Variants in DEXI observed in about 807,000 individuals in gnomAD.
DEXI encodes the protein dexamethasone-induced protein.
Under a neutral mutation model 2.5 loss-of-function variants are expected in DEXI, and 2 were observed. The ratio of observed to expected loss-of-function variants is 0.81; its 90% CI spans 0.33 to 2.55. The LOEUF (loss-of-function observed/expected upper bound fraction) is 2.55. Ranked by LOEUF, DEXI falls within the 30% of genes most tolerant of loss-of-function variation. The probability of loss-of-function intolerance (pLI) is 0.11; values close to 1 mark genes in which losing one functional copy is unlikely to be tolerated. For synonymous variants in DEXI, 71 were observed against 68.7 expected (o/e 1.03, Z -0.17); for missense variants, 108 against 130.3 (o/e 0.83, Z 0.83).
In DEXI at chr16:10,940,887, C is replaced by T. The variant is rs953710895; in HGVS notation, c.*149+682G>A. 7 of 152,322 alleles carry T rather than the reference C, an allele frequency of 4.6e-5. No homozygotes were observed. The highest frequency in any genetic ancestry group is 1.4e-4 in the African/African-American group (6 of 41,432). The allele number at this position is 152,322 out of a possible 1,614,324, so 9.4% of individuals were successfully genotyped here. A position where few individuals can be genotyped will look rare whatever the true frequency, so the allele number is the denominator to read the frequency against. On this transcript the variant is annotated intron_variant, in intron 1 of 1. Coordinates refer to ENST00000331808, the MANE Select transcript of DEXI (RefSeq NM_014015.4). This position sits in a 1 kb window ranked among gnomAD's most constrained non-coding sequence, Gnocchi z 4.2. ...GCAAACACTGCAGACAAAGCGAGCC[C>T]TGGCACCAGCTCCCTGCCTGCCTGT... is the stretch of plus-strand genomic sequence containing the variant.
chr16:10,938,900 A>G lies in DEXI; in HGVS notation c.*149+2669T>C, dbSNP rs957918114. 1 of 152,240 alleles carries G rather than the reference A, an allele frequency of 6.6e-6. No individual in the cohort carries two copies. The highest frequency in any genetic ancestry group is 2.4e-5 in the African/African-American group (1 of 41,466). 9.4% of individuals were successfully genotyped at this position (152,240 alleles called of 1,614,324 possible). On this transcript the variant is annotated intron_variant, in intron 1 of 1. Transcript: ENST00000331808. The surrounding 1 kb of genome is among the most constrained non-coding windows in gnomAD (Gnocchi z 4.9). ...TCAGTTTTTAGTTCAGAATATGCCA[A>G]TGTTTTCATTTGGAAGGGGAAGTGT...
Position 10,941,770 on chromosome 16 carries a change from C to T in DEXI, c.236G>A (p.Gly79Asp). The change falls in exon 1 of 2, where the codon GGC becomes GAC. Residue 79 changes from glycine to aspartate, a missense_variant. By Grantham distance (94) the Gly-to-Asp change is moderately conservative. Coordinates refer to ENST00000331808, the MANE Select transcript of DEXI (RefSeq NM_014015.4). This position sits in a 1 kb window ranked among gnomAD's most constrained non-coding sequence, Gnocchi z 6.4. ...DLGVLSDPGS[G>D]LYDADSELDV... ...GAGCTCCGAGTCAGCATCGTAAAGG[C>T]CCGAGCCGGGGTCGGAGAGCACGCC... 1 of 1,613,418 alleles carries T rather than the reference C, an allele frequency of 6.2e-7. No individual in the cohort carries two copies. Among genetic ancestry groups the T allele is most frequent in the Non-Finnish European group, 8.5e-7 (1 of 1,179,672 alleles).
intron 1 of DEXI, chr16:10,936,247 A>G (rs1049550161): frequency 6.6e-6 from 1 of 152,110 alleles, no homozygotes; most frequent in Non-Finnish European, 1.5e-5. Flanking sequence ...CTCAGCCTCT[A>G]TAAAATTTGA....
Position 10,938,434 on chromosome 16 carries a change from C to G in DEXI, c.*149+3135G>C, listed in dbSNP as rs2041059244. 6.6e-6 allele frequency: 1 copy of G among 151,988 alleles called. No individual in the cohort carries two copies. Among genetic ancestry groups the G allele is most frequent in the African/African-American group, 2.4e-5 (1 of 41,352 alleles). The allele number at this position is 151,988 out of a possible 1,614,324, so 9.4% of individuals were successfully genotyped here. ...TTCATCTTGAGATTCATCCTGGGCCCCACTGTGTGACATGCTCCACGCCCT... is the reference window on the plus strand; with the variant it reads ...TTCATCTTGAGATTCATCCTGGGCCGCACTGTGTGACATGCTCCACGCCCT... On this transcript the variant is annotated intron_variant, in intron 1 of 1. Coordinates refer to ENST00000331808, the MANE Select transcript of DEXI (RefSeq NM_014015.4). The surrounding 1 kb of genome is among the most constrained non-coding windows in gnomAD (Gnocchi z 4.9).
At position 10,939,558 on chromosome 16, in the gene DEXI, C is replaced by A. The variant is rs1209817068; in HGVS notation, c.*149+2011G>T. 3 of 152,272 alleles carry A rather than the reference C, an allele frequency of 2.0e-5. No homozygotes were observed. Among genetic ancestry groups the A allele is most frequent in the Non-Finnish European group, 2.9e-5 (2 of 68,076 alleles). The allele number at this position is 152,272 out of a possible 1,614,324, so 9.4% of individuals were successfully genotyped here. Reference sequence around the variant, plus strand: ...GTCTTGGCACCACTGATTCCCTCAGCCTGGACTGCTTTTCTCCAGATCCTT... The same window carrying A: ...GTCTTGGCACCACTGATTCCCTCAGACTGGACTGCTTTTCTCCAGATCCTT... On this transcript the variant is annotated intron_variant, in intron 1 of 1. Coordinates refer to ENST00000331808, the MANE Select transcript of DEXI (RefSeq NM_014015.4). This position sits in a 1 kb window ranked among gnomAD's most constrained non-coding sequence, Gnocchi z 4.9.
chr16:10,936,673 A>G (rs1449864984), intron 1 of DEXI: 1 of 152,234 alleles, frequency 6.6e-6, no homozygotes, highest in Non-Finnish European at 1.5e-5. Flanking sequence ...GCCTGGCAGA[A>G]ACTATGAGCT....
In DEXI at chr16:10,941,670, G is replaced by A; in HGVS notation, c.*48C>T. ...GCATGATCTGGGCGGCTGGTCCAGG[G>A]CATGGGTTGCGGATCGTGTAGGGAA... On this transcript the variant is annotated 3_prime_UTR_variant, in exon 1 of 2. Transcript: ENST00000331808. The surrounding 1 kb of genome is among the most constrained non-coding windows in gnomAD (Gnocchi z 6.4). The A allele has an allele frequency of 3.2e-6, 5 of 1,559,856 alleles. No homozygotes were observed. The highest frequency in any genetic ancestry group is 4.3e-6 in the Non-Finnish European group (5 of 1,149,880).
chr16:10,931,872 CAG>C (rs2040813156), intron 1 of DEXI: 1 of 152,230 alleles, frequency 6.6e-6, no homozygotes, highest in Non-Finnish European at 1.5e-5. Context: ...GCCTAGGTGA[CAG>C]AGTGAGACTC....
chr16:10,932,615 C>A (rs1169636386), intron 1 of DEXI: 2 of 150,598 alleles, frequency 1.3e-5, no homozygotes, highest in African/African-American at 4.9e-5. Context: ...ATAAAATATA[C>A]TAATGATAGC....
chr16:10,935,479 G>A (rs76866742), intron 1 of DEXI: 2 of 152,348 alleles, frequency 1.3e-5, no homozygotes, highest in East Asian at 3.9e-4. Flanking sequence ...CATGCCAAGC[G>A]ATGATGATTT....
In DEXI at chr16:10,938,437, C is replaced by A. The variant is rs1449631956; in HGVS notation, c.*149+3132G>T. The A allele has an allele frequency of 6.6e-6, 1 of 152,010 alleles. No individual in the cohort carries two copies. The highest frequency in any genetic ancestry group is 2.4e-5 in the African/African-American group (1 of 41,364). The allele number at this position is 152,010 out of a possible 1,614,324, so 9.4% of individuals were successfully genotyped here. On this transcript the variant is annotated intron_variant, in intron 1 of 1. Coordinates refer to ENST00000331808, the MANE Select transcript of DEXI (RefSeq NM_014015.4). This position sits in a 1 kb window ranked among gnomAD's most constrained non-coding sequence, Gnocchi z 4.9. ...ATCTTGAGATTCATCCTGGGCCCCA[C>A]TGTGTGACATGCTCCACGCCCTTAG...
In DEXI at chr16:10,941,799, G is replaced by A. The variant is rs772106642; in HGVS notation, c.207C>T (p.Asp69=). 8.7e-6 allele frequency: 14 copies of A among 1,613,550 alleles called. No homozygotes were observed. The highest frequency in any genetic ancestry group is 6.7e-5 in the African/African-American group (5 of 74,928). The change falls in exon 1 of 2, where the codon GAC becomes GAT. Residue 69 remains aspartate, a synonymous_variant. Coordinates refer to ENST00000331808, the MANE Select transcript of DEXI (RefSeq NM_014015.4). The surrounding 1 kb of genome is among the most constrained non-coding windows in gnomAD (Gnocchi z 6.4). ...AGCCGGGGTCGGAGAGCACGCCGAG[G>A]TCCACGAGCGCCTGGTCCATGTCCT... is the stretch of plus-strand genomic sequence containing the variant. The part of the protein sequence containing the change: ...LPEDMDQALV[D]LGVLSDPGSG...
rs933283912 is a variant in DEXI at position 10,941,569 on chromosome 16, A to G, written c.*149T>C. 2.8e-6 allele frequency: 4 copies of G among 1,450,102 alleles called. No individual in the cohort carries two copies. The highest frequency in any genetic ancestry group is 2.9e-5 in the Admixed American group (1 of 34,808). The allele number at this position is 1,450,102 out of a possible 1,614,324, so 89.8% of individuals were successfully genotyped here. ...CATCCTGTTCAGAGAGGGCACTTAC[A>G]GGCCTCGGAGGCAGGGGAGGGTCTC... On this transcript the variant is annotated splice_region_variant and 3_prime_UTR_variant, in exon 1 of 2. Coordinates refer to ENST00000331808, the MANE Select transcript of DEXI (RefSeq NM_014015.4). The surrounding 1 kb of genome is among the most constrained non-coding windows in gnomAD (Gnocchi z 6.4).
At position 10,939,535 on chromosome 16, in the gene DEXI, C is replaced by G. The variant is rs1179449087; in HGVS notation, c.*149+2034G>C. On this transcript the variant is annotated intron_variant, in intron 1 of 1. Transcript: ENST00000331808. This position sits in a 1 kb window ranked among gnomAD's most constrained non-coding sequence, Gnocchi z 4.9. ...AACCAACTCTCTCTCACCTGAAGGT[C>G]TTGGCACCACTGATTCCCTCAGCCT... 1 of 152,310 alleles carries G rather than the reference C, an allele frequency of 6.6e-6. No individual in the cohort carries two copies. Among genetic ancestry groups the G allele is most frequent in the Non-Finnish European group, 1.5e-5 (1 of 68,102 alleles). 9.4% of individuals were successfully genotyped at this position (152,310 alleles called of 1,614,324 possible).
At position 10,934,499 on chromosome 16, in the gene DEXI, C is replaced by T. The variant is rs749816310; in HGVS notation, c.*150-4940G>A. ...GATCTGATCCGCTGCTGCGTATTCA[C>T]TACCGCCCTGGGACGCCTCCAGCAG... On this transcript the variant is annotated intron_variant, in intron 1 of 1. Transcript: ENST00000331808. This position sits in a 1 kb window ranked among gnomAD's most constrained non-coding sequence, Gnocchi z 4.2. 1 of 152,260 alleles carries T rather than the reference C, an allele frequency of 6.6e-6. No homozygotes were observed. Among genetic ancestry groups the T allele is most frequent in the Non-Finnish European group, 1.5e-5 (1 of 68,102 alleles). The allele number at this position is 152,260 out of a possible 1,614,324, so 9.4% of individuals were successfully genotyped here. A position where few individuals can be genotyped will look rare whatever the true frequency, so the allele number is the denominator to read the frequency against.
intron 1 of DEXI, chr16:10,933,210 G>A (rs1242835607): frequency 6.6e-6 from 1 of 152,226 alleles, no homozygotes; most frequent in Non-Finnish European, 1.5e-5. Context: ...GGACGTGGCT[G>A]GCTGGCTGGT....
chr16:10,929,256 G>C lies in DEXI; in HGVS notation c.*453C>G. On this transcript the variant is annotated 3_prime_UTR_variant, in exon 2 of 2. Coordinates refer to ENST00000331808, the MANE Select transcript of DEXI (RefSeq NM_014015.4). The surrounding 1 kb of genome is among the most constrained non-coding windows in gnomAD (Gnocchi z 4.3). Reference sequence around the variant, plus strand: ...GGAGTCGCTTTTGCGTGTGTCCGCAGTTTGAAGTGTCCTCTCCGAAGGTGA... The same window carrying C: ...GGAGTCGCTTTTGCGTGTGTCCGCACTTTGAAGTGTCCTCTCCGAAGGTGA... 1 of 985,950 alleles carries C rather than the reference G, an allele frequency of 1.0e-6. No individual in the cohort carries two copies. Among genetic ancestry groups the C allele is most frequent in the Non-Finnish European group, 1.2e-6 (1 of 829,980 alleles). The allele number at this position is 985,950 out of a possible 1,614,324, so 61.1% of individuals were successfully genotyped here.
In DEXI at chr16:10,929,414, T is replaced by C. The variant is rs1485027428; in HGVS notation, c.*295A>G. ...CCATCGATTTGACACTGCAGGCAGA[T>C]GAGGTCTTGGGATGCCTCTTGCGTT... is the stretch of plus-strand genomic sequence containing the variant. On this transcript the variant is annotated 3_prime_UTR_variant, in exon 2 of 2. Coordinates refer to ENST00000331808, the MANE Select transcript of DEXI (RefSeq NM_014015.4). The surrounding 1 kb of genome is among the most constrained non-coding windows in gnomAD (Gnocchi z 4.3). The C allele has an allele frequency of 3.0e-6, 3 of 985,782 alleles. No homozygotes were observed. The highest frequency in any genetic ancestry group is 6.1e-5 in the Admixed American group (1 of 16,270). The allele number at this position is 985,782 out of a possible 1,614,324, so 61.1% of individuals were successfully genotyped here.
rs1443368903 is a variant in DEXI, at chr16:10,939,581, C to T, written c.*149+1988G>A. ...AGCCTGGACTGCTTTTCTCCAGATC[C>T]TTCTATCAAATTAAGGCTCAGCTCA... On this transcript the variant is annotated intron_variant, in intron 1 of 1. Coordinates refer to ENST00000331808, the MANE Select transcript of DEXI (RefSeq NM_014015.4). This position sits in a 1 kb window ranked among gnomAD's most constrained non-coding sequence, Gnocchi z 4.9. 1.3e-5 allele frequency: 2 copies of T among 152,230 alleles called. No individual in the cohort carries two copies. The highest frequency in any genetic ancestry group is 2.4e-5 in the African/African-American group (1 of 41,462). 9.4% of individuals were successfully genotyped at this position (152,230 alleles called of 1,614,324 possible).
Sources: gnomAD v4.1 joint callset for allele counts on GRCh38, gnomAD v4.1.1 for gene constraint, Gnocchi (gnomAD v3.1) non-coding constraint, MANE v1.5 for transcripts, NCBI Gene and HGNC (gene_info 2026-07-23, HGNC 2026-07-21) for gene names.